Variants in XKR9 observed in about 807,000 individuals in gnomAD.
XKR9 encodes XK-related protein 9.
In XKR9, 32 loss-of-function variants were observed where a neutral mutation model predicts 32.0. The observed-to-expected ratio is 1.00, with a 90% CI of 0.76 to 1.34. The LOEUF is 1.34. XKR9 is among the 40% of genes most tolerant of loss of function. The probability of loss-of-function intolerance (pLI) is 0.00; values close to 1 mark genes in which losing one functional copy is unlikely to be tolerated. For synonymous variants in XKR9, 168 were observed against 143.4 expected, an observed-to-expected ratio of 1.17 and a Z score of -1.22; for missense variants, 546 against 429.7, an observed-to-expected ratio of 1.27 and a Z score of -2.39.
At chr8:70,948,217 A>G in the XKR9 span, among the ~76,000 whole-genome samples, 4 of 152,188 alleles carry the variant, frequency 2.6e-5, no homozygotes, top group African/African-American at 4.8e-5. Context: ...CACAACAGGC[A>G]TCATTCGTGC....
chr8:70,880,179 C>T, the XKR9 span, among the ~76,000 whole-genome samples: 1 of 152,130 alleles, frequency 6.6e-6, no homozygotes, highest in Non-Finnish European at 1.5e-5. Flanking sequence ...ACTGAATGGG[C>T]AAAAACTGGA....
the XKR9 span, among the ~76,000 whole-genome samples, chr8:70,918,145 T>C: frequency 6.6e-6 from 1 of 152,238 alleles, no homozygotes; most frequent in Non-Finnish European, 1.5e-5. Context: ...TCTTTGGGTA[T>C]TTTTTCTTGT....
At chr8:70,976,846 C>G in the XKR9 span, among the ~76,000 whole-genome samples, 2 of 152,066 alleles carry the variant, frequency 1.3e-5, no homozygotes, top group African/African-American at 4.8e-5. Context: ...TCTGTCTGGT[C>G]CTGGACTTTT....
At chr8:70,818,814 C>A in the XKR9 span, among the ~76,000 whole-genome samples, 1 of 152,284 alleles carries the variant, frequency 6.6e-6, no homozygotes, top group South Asian at 2.1e-4. Context: ...ACACACTGGC[C>A]TATTTACAGT....
intron 2 of XKR9, among the ~76,000 whole-genome samples, chr8:70,744,517 T>C (rs1011696452): frequency 2.0e-5 from 3 of 152,218 alleles, no homozygotes; most frequent in Non-Finnish European, 4.4e-5. Context: ...TCAGGCTTTT[T>C]CACCTCAAAT....
At chr8:70,817,608 C>T in the XKR9 span, among the ~76,000 whole-genome samples, 964 of 152,168 alleles carry the variant, frequency 6.3e-3, 11 homozygotes, top group African/African-American at 0.021. Flanking sequence ...TCATTTTTCA[C>T]ATAATTAGAA....
At chr8:71,061,096 G>A in the XKR9 span, among the ~76,000 whole-genome samples, 4 of 152,160 alleles carry the variant, frequency 2.6e-5, no homozygotes, top group African/African-American at 4.8e-5. Flanking sequence ...CAAGTAAAAT[G>A]AGGCACAAAG....
intron 3 of XKR9, among the ~76,000 whole-genome samples, chr8:70,700,087 AT>A: frequency 6.6e-6 from 1 of 151,930 alleles, no homozygotes; most frequent in East Asian, 1.9e-4. Context: ...ATTTGTCTAA[AT>A]TTTTTTCAAA....
At chr8:70,819,448 T>C in the XKR9 span, among the ~76,000 whole-genome samples, 826 of 152,310 alleles carry the variant, frequency 5.4e-3, 12 homozygotes, top group African/African-American at 0.019. Context: ...TTTCCACCAA[T>C]GTGTCCACTA....
chr8:70,721,596 A>G lies in XKR9; in HGVS notation c.494-12200A>G, dbSNP rs542694112. 6.0e-4 allele frequency among the ~76,000 whole-genome samples: 91 copies of G among 152,182 alleles called. 1 individual carries two copies. The highest frequency in any genetic ancestry group is 2.1e-3 in the African/African-American group (89 of 41,506). On this transcript the variant is annotated intron_variant, in intron 4 of 4. Coordinates refer to ENST00000408926, the MANE Select transcript of XKR9 (RefSeq NM_001011720.2). The stretch of plus-strand genomic sequence containing the variant: ...TTCAGCAGCAGGTTGTTCAGTTTCC[A>G]TGTAGTTTTGCAGTTTTGAGTGAGT...
chr8:70,677,610 T>G (rs1254970799), intron 2 of XKR9, among the ~76,000 whole-genome samples: 1 of 152,228 alleles, frequency 6.6e-6, no homozygotes, highest in Non-Finnish European at 1.5e-5. Flanking sequence ...CACACAGCTA[T>G]AAATGTTTTC....
the XKR9 span, among the ~76,000 whole-genome samples, chr8:70,978,690 G>A: frequency 1.3e-5 from 2 of 152,042 alleles, no homozygotes; most frequent in East Asian, 1.9e-4. Flanking sequence ...TTTCAACCTT[G>A]GTGAATCTGG....
the XKR9 span, among the ~76,000 whole-genome samples, chr8:70,801,399 T>G: frequency 1.3e-5 from 2 of 152,368 alleles, no homozygotes; most frequent in South Asian, 4.1e-4. Context: ...AATAATTTGT[T>G]TCTGCCTTAA....
At chr8:71,041,736 C>T in the XKR9 span, among the ~76,000 whole-genome samples, 1 of 152,174 alleles carries the variant, frequency 6.6e-6, no homozygotes, top group Admixed American at 6.5e-5. Context: ...AGCTCCCTCT[C>T]TCTCCCTTTC....
the XKR9 span, among the ~76,000 whole-genome samples, chr8:71,057,436 A>G: frequency 6.6e-6 from 1 of 152,188 alleles, no homozygotes; most frequent in Non-Finnish European, 1.5e-5. Flanking sequence ...CCCAAATTCA[A>G]TCAAAGGCCC....
the XKR9 span, among the ~76,000 whole-genome samples, chr8:71,031,652 G>C: frequency 1.3e-5 from 2 of 152,142 alleles, no homozygotes; most frequent in African/African-American, 4.8e-5. Context: ...ACAAATGCTT[G>C]TTCTTATTTG....
the XKR9 span, among the ~76,000 whole-genome samples, chr8:70,797,176 A>T: frequency 6.6e-6 from 1 of 152,202 alleles, no homozygotes; most frequent in Non-Finnish European, 1.5e-5. Context: ...CAAGGATTTT[A>T]AAAAATGAGG....
the XKR9 span, among the ~76,000 whole-genome samples, chr8:70,940,049 CCGAATA>C: frequency 1.3e-5 from 2 of 151,904 alleles, no homozygotes; most frequent in Non-Finnish European, 2.9e-5. Context: ...AAAACAAACA[CCGAATA>C]TGTAGAGTGC....
At chr8:70,983,214 C>G in the XKR9 span, among the ~76,000 whole-genome samples, 2 of 152,160 alleles carry the variant, frequency 1.3e-5, no homozygotes, top group African/African-American at 4.8e-5. Context: ...ATTCTTTCCC[C>G]TTTTCTGGAC....
Sources: gnomAD v4.1 joint callset for allele counts (sites outside exome capture counted in the v4.1 genomes callset) on GRCh38, gnomAD v4.1.1 for gene constraint, MANE v1.5 for transcripts, NCBI Gene and HGNC (gene_info 2026-07-23, HGNC 2026-07-21) for gene names.